DOCK3: variants seen among roughly 807,000 people sequenced by gnomAD.
DOCK3 encodes dedicator of cytokinesis 3, also known as dedicator of cytokinesis protein 3.
Under a neutral mutation model 265.6 loss-of-function variants are expected in DOCK3, and 60 were observed. The observed-to-expected ratio is 0.23, with a 90% CI of 0.18 to 0.28. The LOEUF (loss-of-function observed/expected upper bound fraction) is 0.28, where lower values mean the gene tolerates loss of function less well. Ranked by LOEUF, DOCK3 falls within the 10% of genes least tolerant of loss-of-function variation. The pLI is 1.00. For missense variants in DOCK3, 1,981 were observed against 2,594.3 expected (o/e 0.76, Z 5.14); for synonymous variants, 881 against 938.0 (o/e 0.94, Z 1.11).
At chr3:51,083,437 A>G (rs2082311247) in intron 7 of DOCK3, among the ~76,000 whole-genome samples, 1 of 152,234 alleles carries the variant, frequency 6.6e-6, no homozygotes, top group Non-Finnish European at 1.5e-5. Context: ...ATTCTCTAGT[A>G]ACAGATCCCA....
At chr3:50,704,386 A>G (rs979109113) in intron 1 of DOCK3, among the ~76,000 whole-genome samples, 8 of 152,008 alleles carry the variant, frequency 5.3e-5, no homozygotes, top group African/African-American at 1.7e-4. Context: ...TTCCCCAGCT[A>G]TTATTGTATT....
At chr3:51,217,892 CAG>C (rs1397713510) in intron 14 of DOCK3, among the ~76,000 whole-genome samples, 2 of 151,346 alleles carry the variant, frequency 1.3e-5, no homozygotes. Context: ...CCAAGGCAGG[CAG>C]ATCACTTGAG....
intron 1 of DOCK3, among the ~76,000 whole-genome samples, chr3:50,767,147 C>T: frequency 6.6e-6 from 1 of 152,124 alleles, no homozygotes; most frequent in South Asian, 2.1e-4. Flanking sequence ...TCTATTTTGG[C>T]TTTTGTGGCC....
At chr3:51,380,286 C>T in intron 52 of DOCK3, 79 bp downstream of exon 52, 3 of 1,357,928 alleles carry the variant, frequency 2.2e-6, no homozygotes, top group Non-Finnish European at 2.0e-6. Flanking sequence ...TTGGGGTCTA[C>T]AGGAGGAACT....
intron 49 of DOCK3, 35 bp downstream of exon 49, chr3:51,362,709 A>G (rs1275225003): frequency 4.4e-6 from 7 of 1,606,518 alleles, no homozygotes; most frequent in South Asian, 1.1e-5. Flanking sequence ...CAGAATGGAG[A>G]AGAGAGGTCT....
At chr3:50,810,330 C>T (rs776570286) in intron 2 of DOCK3, among the ~76,000 whole-genome samples, 1 of 152,056 alleles carries the variant, frequency 6.6e-6, no homozygotes, top group Non-Finnish European at 1.5e-5. Context: ...GCGGGCGGAT[C>T]ACTTGAGGTC....
At chr3:50,975,845 T>G (rs2077427677) in intron 5 of DOCK3, among the ~76,000 whole-genome samples, 1 of 151,312 alleles carries the variant, frequency 6.6e-6, no homozygotes, top group Non-Finnish European at 1.5e-5. Context: ...ATTCAGAGAT[T>G]CAACTTCTTC....
intron 4 of DOCK3, among the ~76,000 whole-genome samples, chr3:50,927,926 G>T (rs978817125): frequency 6.6e-6 from 1 of 152,040 alleles, no homozygotes; most frequent in Non-Finnish European, 1.5e-5. Flanking sequence ...AGCAGTAGAC[G>T]AGAGTTTTTC....
At chr3:50,913,144 G>C (rs933573769) in intron 4 of DOCK3, among the ~76,000 whole-genome samples, 3 of 152,032 alleles carry the variant, frequency 2.0e-5, no homozygotes, top group Admixed American at 1.3e-4. Context: ...TTCGTGGCCC[G>C]AGGGCTTTTC....
intron 4 of DOCK3, among the ~76,000 whole-genome samples, chr3:50,909,897 C>A (rs2049773799): frequency 6.6e-6 from 1 of 151,948 alleles, no homozygotes; most frequent in Non-Finnish European, 1.5e-5. Flanking sequence ...TCCCATATAT[C>A]TCAGCGGTTT....
chr3:50,994,659 A>G (rs1446986843), intron 5 of DOCK3, among the ~76,000 whole-genome samples: 1 of 152,242 alleles, frequency 6.6e-6, no homozygotes, highest in Non-Finnish European at 1.5e-5. Flanking sequence ...ATCTGTAAAC[A>G]GTTGGCAGTA....
intron 3 of DOCK3, among the ~76,000 whole-genome samples, chr3:50,848,418 C>T (rs1012332270): frequency 4.6e-5 from 7 of 152,178 alleles, no homozygotes; most frequent in African/African-American, 1.7e-4. Context: ...GGTTGTGTGA[C>T]AGCAGGTATC....
chr3:50,904,125 G>C (rs1025131649), intron 4 of DOCK3, among the ~76,000 whole-genome samples: 1 of 152,138 alleles, frequency 6.6e-6, no homozygotes, highest in Non-Finnish European at 1.5e-5. Flanking sequence ...GTATTCCATG[G>C]TGTATATGTG....
chr3:51,145,366 C>T (rs1373354532), intron 9 of DOCK3, among the ~76,000 whole-genome samples: 1 of 152,058 alleles, frequency 6.6e-6, no homozygotes, highest in African/African-American at 2.4e-5. Flanking sequence ...TCTCCTAATG[C>T]TATCCCTCCC....
Position 50,698,517 on chromosome 3 carries a change from G to GTTTTTTTTT in DOCK3, c.37+23234_37+23242dup. On this transcript the variant is annotated intron_variant, in intron 1 of 52. Coordinates refer to ENST00000266037, the MANE Select transcript of DOCK3 (RefSeq NM_004947.5). ...GTTTCTCTGTGGATGTATGTTTTTG[G>GTTTTTTTTT]TTTTTTTTTTTTTTTTTTTTTTTTT... 2.5e-3 allele frequency among the ~76,000 whole-genome samples: 49 copies of GTTTTTTTTT among 19,512 alleles called. 14 individuals are homozygous for GTTTTTTTTT. The highest frequency in any genetic ancestry group is 4.3e-3 in the Non-Finnish European group (36 of 8,460). 12.8% of individuals were successfully genotyped at this position (19,512 alleles called of 152,430 possible). A position where few individuals can be genotyped will look rare whatever the true frequency, so the allele number is the denominator to read the frequency against.
At chr3:51,036,807 A>G (rs2080289239) in intron 5 of DOCK3, among the ~76,000 whole-genome samples, 1 of 152,126 alleles carries the variant, frequency 6.6e-6, no homozygotes, top group Non-Finnish European at 1.5e-5. Flanking sequence ...TAATTGAATC[A>G]TGGGGTGGGT....
At chr3:51,187,387 C>G (rs889316620) in intron 12 of DOCK3, among the ~76,000 whole-genome samples, 1 of 152,212 alleles carries the variant, frequency 6.6e-6, no homozygotes, top group Non-Finnish European at 1.5e-5. Flanking sequence ...AAGTGACTAA[C>G]TTGCTTGTGA....
intron 14 of DOCK3, among the ~76,000 whole-genome samples, chr3:51,222,287 G>C (rs1436319132): frequency 2.0e-5 from 3 of 152,176 alleles, no homozygotes; most frequent in African/African-American, 4.8e-5. Flanking sequence ...TAACCCAGAG[G>C]CATGATCCCA....
intron 1 of DOCK3, among the ~76,000 whole-genome samples, chr3:50,751,041 T>C (rs1351608555): frequency 6.6e-6 from 1 of 152,212 alleles, no homozygotes; most frequent in African/African-American, 2.4e-5. Context: ...AGCAATGCAA[T>C]AATGCTTCAA....
Sources: gnomAD v4.1 joint callset for allele counts (sites outside exome capture counted in the v4.1 genomes callset) on GRCh38, gnomAD v4.1.1 for gene constraint, MANE v1.5 for transcripts, NCBI Gene and HGNC (gene_info 2026-07-23, HGNC 2026-07-21) for gene names.